DLG2: variants seen among roughly 807,000 people sequenced by gnomAD.
DLG2 encodes discs large MAGUK scaffold protein 2, also known as disks large homolog 2.
A neutral mutation model predicts 132.5 loss-of-function variants in DLG2; 45 were observed. The observed-to-expected ratio is 0.34, with a 90% confidence interval of 0.27 to 0.44. The LOEUF (loss-of-function observed/expected upper bound fraction) is 0.44, where lower values mean the gene tolerates loss of function less well. Ranked by LOEUF, DLG2 falls within the 20% of genes least tolerant of loss-of-function variation. The pLI, the probability that DLG2 is intolerant of heterozygous loss-of-function variation, is 1.00. For synonymous variants in DLG2, 424 were observed against 419.6 expected, an observed-to-expected ratio of 1.01 and a Z score of -0.13; for missense variants, 1,045 against 1,196.9, an observed-to-expected ratio of 0.87 and a Z score of 1.87.
chr11:85,086,247 T>C (rs2067906400), intron 6 of DLG2, among the ~76,000 whole-genome samples: 1 of 152,164 alleles, frequency 6.6e-6, no homozygotes, highest in Non-Finnish European at 1.5e-5. Flanking sequence ...TTATTTTTAG[T>C]ATAATTGAGT....
intron 6 of DLG2, among the ~76,000 whole-genome samples, chr11:84,604,213 T>C (rs1205487006): frequency 1.3e-5 from 2 of 151,970 alleles, no homozygotes; most frequent in African/African-American, 4.8e-5. Flanking sequence ...TAAGATATTC[T>C]GATACCAGAG....
intron 18 of DLG2, among the ~76,000 whole-genome samples, chr11:83,702,988 A>G (rs182534445): frequency 1.3e-5 from 2 of 152,352 alleles, no homozygotes; most frequent in Non-Finnish European, 1.5e-5. Context: ...TGACGCATCA[A>G]TCCAGTCCCC....
chr11:85,024,586 T>TGG (rs1463949468), intron 6 of DLG2, among the ~76,000 whole-genome samples: 2 of 152,202 alleles, frequency 1.3e-5, no homozygotes. Context: ...TTGCATGTTG[T>TGG]CTATATAGCC....
At chr11:84,307,894 C>T (rs1268545925) in intron 7 of DLG2, among the ~76,000 whole-genome samples, 1 of 151,732 alleles carries the variant, frequency 6.6e-6, no homozygotes, top group East Asian at 1.9e-4. Flanking sequence ...CTTAAGGCGG[C>T]GCGTCTGGAG....
At chr11:84,651,033 CT>C (rs994981170) in intron 6 of DLG2, among the ~76,000 whole-genome samples, 15 of 150,042 alleles carry the variant, frequency 1.0e-4, no homozygotes, top group African/African-American at 2.9e-4. Context: ...GATGCTGTAC[CT>C]TTTTTTTTCT....
intron 6 of DLG2, among the ~76,000 whole-genome samples, chr11:84,928,950 T>A (rs986542993): frequency 7.5e-6 from 1 of 133,072 alleles, no homozygotes; most frequent in African/African-American, 2.9e-5. Flanking sequence ...CTTATAATAC[T>A]CTCTGATATG....
At chr11:85,371,240 A>C (rs1019752356) in intron 3 of DLG2, among the ~76,000 whole-genome samples, 7 of 152,192 alleles carry the variant, frequency 4.6e-5, no homozygotes, top group Admixed American at 3.9e-4. Context: ...GAGTTAACTA[A>C]ATGGACTGAA....
intron 7 of DLG2, among the ~76,000 whole-genome samples, chr11:84,370,852 G>A (rs2098703317): frequency 6.6e-6 from 1 of 152,158 alleles, no homozygotes; most frequent in Admixed American, 6.6e-5. Context: ...ACTGAATGCT[G>A]ATAGTTAGCA....
Position 84,918,674 on chromosome 11 carries a change from G to A in DLG2, c.357+192987C>T, listed in dbSNP as rs528988629. Among the ~76,000 whole-genome samples the A allele has an allele frequency of 4.6e-5, 7 of 152,256 alleles. 1 individual carries two copies. In the South Asian group the frequency reaches 1.2e-3, roughly 27 times the overall value. On this transcript the variant is annotated intron_variant, in intron 6 of 27. Coordinates refer to ENST00000376104, the MANE Select transcript of DLG2 (RefSeq NM_001142699.3). ...CCCTCCAAACTAGCTGTACAACCTG[G>A]CTGAGCAGATCCAAAAGAGTATGTG...
chr11:84,610,977 T>C (rs1189428643), intron 6 of DLG2, among the ~76,000 whole-genome samples: 3 of 150,812 alleles, frequency 2.0e-5, no homozygotes, highest in African/African-American at 7.3e-5. Context: ...AAAGTCTACC[T>C]TAACACATTA....
At chr11:84,718,768 A>G (rs1229139115) in intron 6 of DLG2, among the ~76,000 whole-genome samples, 1 of 152,182 alleles carries the variant, frequency 6.6e-6, no homozygotes, top group Admixed American at 6.5e-5. Context: ...GGCAGGTTGT[A>G]TGGGAGAGAA....
rs536286414 is a variant in DLG2, at chr11:84,540,559, G to A, written c.358-5828C>T. Among the ~76,000 whole-genome samples, 425 of 152,288 alleles carry A rather than the reference G, an allele frequency of 2.8e-3. 3 individuals are homozygous for A. Among genetic ancestry groups the A allele is most frequent in the African/African-American group, 7.9e-3 (329 of 41,584 alleles). ...GGAAACAACAGGTGCTGGAGACGAT[G>A]TGGAGAAATAGGAACACTTTTACAC... On this transcript the variant is annotated intron_variant, in intron 6 of 27. Coordinates refer to ENST00000376104, the MANE Select transcript of DLG2 (RefSeq NM_001142699.3).
chr11:85,101,130 T>G (rs1465453575), intron 6 of DLG2, among the ~76,000 whole-genome samples: 4 of 152,118 alleles, frequency 2.6e-5, no homozygotes, highest in African/African-American at 9.7e-5. Flanking sequence ...TTGTTATTGC[T>G]TTTAACACTT....
At chr11:85,214,342 G>T (rs572759338) in intron 4 of DLG2, among the ~76,000 whole-genome samples, 1 of 152,214 alleles carries the variant, frequency 6.6e-6, no homozygotes, top group East Asian at 1.9e-4. Flanking sequence ...TCACATTCCT[G>T]AAGTAGATAG....
At chr11:85,068,532 G>A (rs1226932982) in intron 6 of DLG2, among the ~76,000 whole-genome samples, 1 of 152,058 alleles carries the variant, frequency 6.6e-6, no homozygotes, top group Non-Finnish European at 1.5e-5. Context: ...GCCAAATCAT[G>A]AGTGAACTCC....
intron 17 of DLG2, among the ~76,000 whole-genome samples, chr11:83,802,580 T>C (rs2044730115): frequency 6.6e-6 from 1 of 152,174 alleles, no homozygotes; most frequent in South Asian, 2.1e-4. Flanking sequence ...GTTTCAGGTA[T>C]TAAAATATCA....
At chr11:84,102,959 G>A (rs1399517245) in intron 9 of DLG2, among the ~76,000 whole-genome samples, 1 of 152,066 alleles carries the variant, frequency 6.6e-6, no homozygotes, top group Non-Finnish European at 1.5e-5. Context: ...CCCACTCTGA[G>A]GAAAAGAATG....
chr11:84,960,142 G>A lies in DLG2; in HGVS notation c.357+151519C>T, dbSNP rs184171649. ...AATAGCTTGTCTAAGGACATGGTGA[G>A]TGAGTGGCAAAGTGGGGATTTGAAC... On this transcript the variant is annotated intron_variant, in intron 6 of 27. Transcript: ENST00000376104. 1.5e-3 allele frequency among the ~76,000 whole-genome samples: 235 copies of A among 152,316 alleles called. 1 individual carries two copies. The highest frequency in any genetic ancestry group is 2.1e-3 in the Non-Finnish European group (140 of 68,024).
chr11:84,569,586 C>A (rs1592592036), intron 6 of DLG2, among the ~76,000 whole-genome samples: 1 of 151,834 alleles, frequency 6.6e-6, no homozygotes, highest in East Asian at 1.9e-4. Flanking sequence ...AATATAATGA[C>A]TAAACTGAAA....
Sources: gnomAD v4.1 joint callset for allele counts (sites outside exome capture counted in the v4.1 genomes callset) on GRCh38, gnomAD v4.1.1 for gene constraint, MANE v1.5 for transcripts, NCBI Gene and HGNC (gene_info 2026-07-23, HGNC 2026-07-21) for gene names.